Variants in GATA2 observed in about 807,000 individuals in gnomAD.
GATA2 encodes endothelial transcription factor GATA-2.
In GATA2, 6 loss-of-function variants were observed where a neutral mutation model predicts 35.7. The observed-to-expected ratio is 0.17, with a 90% confidence interval of 0.09 to 0.33. GATA2 has a LOEUF of 0.33. Among genes scored for constraint, GATA2 ranks in the 10% least tolerant of loss-of-function variants. The pLI, the probability that GATA2 is intolerant of heterozygous loss-of-function variation, is 1.00. For synonymous variants in GATA2, 313 were observed against 274.9 expected (o/e 1.14, Z -1.37); for missense variants, 541 against 656.6 (o/e 0.82, Z 1.92).
At chr3:128,482,322 C>T (rs956374293) in intron 4 of GATA2, among the ~76,000 whole-genome samples, 8 of 152,104 alleles carry the variant, frequency 5.3e-5, no homozygotes, top group Admixed American at 5.2e-4. Flanking sequence ...CCCCCTCGAG[C>T]CCCTGGATCT....
Position 128,486,244 on chromosome 3 carries a change from C to T in GATA2, c.354G>A (p.Val118=). 1 of 1,564,832 alleles carries T rather than the reference C, an allele frequency of 6.4e-7. No homozygotes were observed. Among genetic ancestry groups the T allele is most frequent in the Non-Finnish European group, 8.7e-7 (1 of 1,154,840 alleles). The part of the protein sequence containing the change: ...AAAHHHNPWT[V]SPFSKTPLHP... The stretch of plus-strand genomic sequence containing the variant: ...GCAGTGGCGTCTTGGAGAAGGGGCT[C>T]ACGGTCCAGGGGTTGTGGTGGTGGG... The change falls in exon 3 of 6, where the codon GTG becomes GTA. Residue 118 remains valine (V), a synonymous_variant. Transcript: ENST00000341105.
chr3:128,490,945 A>G (rs2068761100), intron 1 of GATA2, among the ~76,000 whole-genome samples: 1 of 152,192 alleles, frequency 6.6e-6, no homozygotes, highest in African/African-American at 2.4e-5. Context: ...CTTTGATCAC[A>G]TTAAGAAGCT....
chr3:128,492,492 C>T (rs186498953), intron 1 of GATA2, among the ~76,000 whole-genome samples: 3 of 152,282 alleles, frequency 2.0e-5, no homozygotes, highest in Admixed American at 2.0e-4. Flanking sequence ...CGCGAAAAGC[C>T]GGCGCACGGG....
chr3:128,489,334 C>T (rs1008688756), intron 1 of GATA2: 2 of 152,342 alleles, frequency 1.3e-5, no homozygotes, highest in African/African-American at 4.8e-5. Flanking sequence ...CAGGGCAGCG[C>T]CAAGGGGCCG....
chr3:128,492,530 G>T (rs1179435621), intron 1 of GATA2, among the ~76,000 whole-genome samples: 2 of 152,184 alleles, frequency 1.3e-5, no homozygotes, highest in Non-Finnish European at 2.9e-5. Flanking sequence ...GCCGCCGCTC[G>T]GCGGCCCGGC....
Position 128,486,031 on chromosome 3 carries a change from C to A in GATA2, c.567G>T (p.Gly189=), listed in dbSNP as rs1293644494. The A allele has an allele frequency of 1.2e-6, 2 of 1,614,020 alleles. No homozygotes were observed. Among genetic ancestry groups the A allele is most frequent in the Non-Finnish European group, 1.7e-6 (2 of 1,180,018 alleles). The change falls in exon 3 of 6, where the codon GGG becomes GGT. Residue 189 remains glycine, a synonymous_variant. Coordinates refer to ENST00000341105, the MANE Select transcript of GATA2 (RefSeq NM_032638.5). ...CGGAAGATGAGGCTGGAGACGCAGCCCCCGTGGTGCTAGGGTCAGGAGACA... is the reference window on the plus strand; with the variant it reads ...CGGAAGATGAGGCTGGAGACGCAGCACCCGTGGTGCTAGGGTCAGGAGACA... ...KEVSPDPSTT[G]AASPASSSAG...
chr3:128,490,733 C>G (rs2068759346), intron 1 of GATA2: 1 of 152,268 alleles, frequency 6.6e-6, no homozygotes, highest in Non-Finnish European at 1.5e-5. Flanking sequence ...CCACCTTGGG[C>G]CCCAAACAAA....
intron 4 of GATA2, 87 bp downstream of exon 4, chr3:128,483,773 C>G (rs2068659610): frequency 1.3e-6 from 2 of 1,545,984 alleles, no homozygotes; most frequent in Non-Finnish European, 1.8e-6. Flanking sequence ...GGCAAAGCGT[C>G]TGCATTTGAA....
chr3:128,486,763 G>A, intron 2 of GATA2, 40 bp downstream of exon 2: 2 of 1,540,034 alleles, frequency 1.3e-6, no homozygotes, highest in Non-Finnish European at 1.8e-6. Flanking sequence ...CGCCTGGCGC[G>A]CGGCGCCTGG....
chr3:128,486,549 G>A (rs1022260828), intron 2 of GATA2, among the ~76,000 whole-genome samples, 181 bp from the exon 3 acceptor site: 1 of 151,890 alleles, frequency 6.6e-6, no homozygotes, highest in African/African-American at 2.4e-5. Flanking sequence ...CAAGCTGAAG[G>A]ACAAGTGGCA....
At position 128,491,215 on chromosome 3, in the gene GATA2, C is replaced by T. The variant is rs1002760958; in HGVS notation, c.-46+1684G>A. ...GGTCTCCCCGGCCGTCCAGCCCCCC[C>T]CCCCCTCTGAGCCCTTTGTTTAAAG... On this transcript the variant is annotated intron_variant, in intron 1 of 5. Coordinates refer to ENST00000341105, the MANE Select transcript of GATA2 (RefSeq NM_032638.5). Among the ~76,000 whole-genome samples the T allele has an allele frequency of 4.1e-5, 5 of 122,196 alleles. 2 individuals are homozygous for T. Among genetic ancestry groups the T allele is most frequent in the African/African-American group, 1.7e-4 (5 of 28,864 alleles). 80.2% of individuals were successfully genotyped at this position (122,196 alleles called of 152,430 possible). A position where few individuals can be genotyped will look rare whatever the true frequency, so the allele number is the denominator to read the frequency against.
At chr3:128,492,120 C>T (rs1329018044) in intron 1 of GATA2, 1 of 152,212 alleles carries the variant, frequency 6.6e-6, no homozygotes, top group Non-Finnish European at 1.5e-5. Context: ...TCCAAAACAA[C>T]GAATTTCCTT....
intron 3 of GATA2, among the ~76,000 whole-genome samples, chr3:128,484,775 C>T (rs758282141): frequency 1.3e-5 from 2 of 151,976 alleles, no homozygotes; most frequent in Admixed American, 6.5e-5. Flanking sequence ...CGGGGCTCAG[C>T]GGGTGCTGGG....
rs138733932 is a variant in GATA2, at chr3:128,481,575, C to G, written c.1143+244G>C. 1.8e-4 allele frequency among the ~76,000 whole-genome samples: 28 copies of G among 152,354 alleles called. No individual in the cohort carries two copies. The East Asian group carries it at 2.1e-3, about 12-fold the overall frequency. On this transcript the variant is annotated intron_variant, in intron 5 of 5. Transcript: ENST00000341105. ...TGCCCAGCCAACTGAAGTCCTCCCCCCCACCCTGACCCTTTTTAAGCAGAG... is the reference window on the plus strand; with the variant it reads ...TGCCCAGCCAACTGAAGTCCTCCCCGCCACCCTGACCCTTTTTAAGCAGAG...
chr3:128,490,564 G>A (rs1005182832), intron 1 of GATA2: 6 of 152,368 alleles, frequency 3.9e-5, no homozygotes, highest in Middle Eastern at 3.4e-3. Flanking sequence ...ATTCTCTGGC[G>A]GAAACGAACC....
At chr3:128,490,334 G>A (rs1028305536) in intron 1 of GATA2, 1 of 152,294 alleles carries the variant, frequency 6.6e-6, no homozygotes, top group African/African-American at 2.4e-5. Context: ...CCGCACAGAG[G>A]GGCTTAGCAG....
At chr3:128,489,597 C>T (rs571761048) in intron 1 of GATA2, 3 of 152,218 alleles carry the variant, frequency 2.0e-5, no homozygotes, top group Non-Finnish European at 4.4e-5. Flanking sequence ...GGCGCCAGCC[C>T]GGGAAGCCGC....
In GATA2 at chr3:128,486,944, C is replaced by T. The variant is rs774249703; in HGVS notation, c.88G>A (p.Ala30Thr). 4 of 1,612,870 alleles carry T rather than the reference C, an allele frequency of 2.5e-6. No homozygotes were observed. The highest frequency in any genetic ancestry group is 3.4e-6 in the Non-Finnish European group (4 of 1,179,570). Residue 30 changes from alanine (A) to threonine (T), a missense_variant, in exon 2 of 6, where the codon GCG becomes ACG. Coordinates refer to ENST00000341105, the MANE Select transcript of GATA2 (RefSeq NM_032638.5). The stretch of plus-strand genomic sequence containing the variant: ...TGCGCGGGTTCCATGTAGTTGTGCG[C>T]CAGGCCCGGGTGGTGTGAGTCGGGG... ...QHPDSHHPGL[A>T]HNYMEPAQLL...
rs779870565 is a variant in GATA2 at position 128,486,148 on chromosome 3, T to C, written c.450A>G (p.Gly150=). Residue 150 remains glycine (G), a synonymous_variant, in exon 3 of 6, where the codon GGA becomes GGG. Coordinates refer to ENST00000341105, the MANE Select transcript of GATA2 (RefSeq NM_032638.5). ...GGGAGGCCACTGAGCTCCCGCTGCCTCCCCCGCTCCCACCCCCAGCCCCTG... is the reference window on the plus strand; with the variant it reads ...GGGAGGCCACTGAGCTCCCGCTGCCCCCCCCGCTCCCACCCCCAGCCCCTG... ...VYPGAGGGSG[G]GSGSSVASLT... The C allele has an allele frequency of 3.2e-6, 5 of 1,583,546 alleles. No individual in the cohort carries two copies. In the South Asian group the frequency reaches 4.6e-5, roughly 14 times the overall value.
Sources: gnomAD v4.1 joint callset for allele counts (sites outside exome capture counted in the v4.1 genomes callset) on GRCh38, gnomAD v4.1.1 for gene constraint, MANE v1.5 for transcripts, NCBI Gene and HGNC (gene_info 2026-07-23, HGNC 2026-07-21) for gene names.